The following MINPP1 variants were observed in gnomAD, a reference collection of about 807,000 sequenced individuals.
MINPP1 encodes multiple inositol-polyphosphate phosphatase 1, also known as multiple inositol polyphosphate phosphatase 1.
A neutral mutation model predicts 46.1 loss-of-function variants in MINPP1; 28 were observed. The observed-to-expected ratio is 0.61, with a 90% CI of 0.45 to 0.83. The LOEUF is 0.83. Among genes scored for constraint, MINPP1 ranks in the 40% least tolerant of loss-of-function variants. MINPP1 has a pLI of 0.00. For missense variants in MINPP1, 603 were observed against 610.0 expected, an observed-to-expected ratio of 0.99 and a Z score of 0.12; for synonymous variants, 268 against 249.1, an observed-to-expected ratio of 1.08 and a Z score of -0.72.
chr10:87,524,719 C>T (rs564309332), intron 4 of MINPP1, among the ~76,000 whole-genome samples: 1 of 152,174 alleles, frequency 6.6e-6, no homozygotes, highest in East Asian at 1.9e-4. Context: ...AGTATTATAT[C>T]TCAGGGAATA....
chr10:87,521,290 T>C (rs1199078289), intron 4 of MINPP1, 121 bp downstream of exon 4: 4 of 731,020 alleles, frequency 5.5e-6, no homozygotes, highest in Non-Finnish European at 7.0e-6. Flanking sequence ...AATTTTAATA[T>C]AATGTGATAC....
chr10:87,519,841 T>C (rs1222860970), intron 3 of MINPP1, among the ~76,000 whole-genome samples: 1 of 152,150 alleles, frequency 6.6e-6, no homozygotes, highest in Non-Finnish European at 1.5e-5. Context: ...AGGTTTTAGT[T>C]CTAGATAGAG....
At chr10:87,540,063 T>A (rs1284842984) in intron 4 of MINPP1, among the ~76,000 whole-genome samples, 1 of 152,112 alleles carries the variant, frequency 6.6e-6, no homozygotes, top group Non-Finnish European at 1.5e-5. Context: ...AGACACAAGG[T>A]CTCTCCATGT....
In MINPP1 at chr10:87,552,868, A is replaced by T; in HGVS notation, c.*390A>T. On this transcript the variant is annotated 3_prime_UTR_variant, in exon 5 of 5. Transcript: ENST00000371996. ...CTTGATTGAACTGTCTAGGAACTTT[A>T]CAGATTGTTCTGCAGTTCTCTCTTC... 5.0e-6 allele frequency: 1 copy of T among 198,672 alleles called. No homozygotes were observed. The highest frequency in any genetic ancestry group is 1.0e-5 in the Non-Finnish European group (1 of 96,920). The allele number at this position is 198,672 out of a possible 1,614,324, so 12.3% of individuals were successfully genotyped here.
chr10:87,521,184 AAAAATGTGAAGTACATTTTG>A lies in MINPP1; in HGVS notation c.1067+17_1067+36del, dbSNP rs758824442. On this transcript the variant is annotated intron_variant, in intron 4 of 4. Coordinates refer to ENST00000371996, the MANE Select transcript of MINPP1 (RefSeq NM_004897.5). ...CAGAAACAAAGGTAAGAACTTTCTA[AAAAATGTGAAGTACATTTTG>A]AGTTACTACTAAACTTCTGGAAATT... is the stretch of plus-strand genomic sequence containing the variant. The A allele has an allele frequency of 2.0e-4, 321 of 1,606,686 alleles. No individual in the cohort carries two copies. The highest frequency in any genetic ancestry group is 3.5e-4 in the Admixed American group (21 of 59,836).
intron 4 of MINPP1, among the ~76,000 whole-genome samples, chr10:87,528,202 A>G (rs1007228137): frequency 5.9e-5 from 9 of 151,930 alleles, no homozygotes; most frequent in African/African-American, 1.9e-4. Flanking sequence ...TTGTGTCTCT[A>G]TCTCCTTCAG....
chr10:87,534,042 A>AT lies in MINPP1; in HGVS notation c.1067+12900dup, dbSNP rs58579107. 3.4e-3 allele frequency among the ~76,000 whole-genome samples: 190 copies of AT among 55,410 alleles called. 6 individuals carry two copies. Among genetic ancestry groups the AT allele is most frequent in the East Asian group, 0.03 (56 of 1,872 alleles). The allele number at this position is 55,410 out of a possible 152,430, so 36.4% of individuals were successfully genotyped here. On this transcript the variant is annotated intron_variant, in intron 4 of 4. Transcript: ENST00000371996. ...TAGTGTTGAAAGATACTGGCTAAAT[A>AT]TTTTTTTTTTTTTTTTTTTTTTTTT... is the stretch of plus-strand genomic sequence containing the variant.
intron 3 of MINPP1, among the ~76,000 whole-genome samples, chr10:87,513,891 C>G (rs7916780): frequency 0.028 from 4,261 of 152,050 alleles, 194 homozygotes; most frequent in African/African-American, 0.092. Context: ...ACAATAGAGC[C>G]GTATTCTTTC....
intron 4 of MINPP1, among the ~76,000 whole-genome samples, chr10:87,536,756 A>G (rs1851741591): frequency 6.6e-6 from 1 of 152,158 alleles, no homozygotes; most frequent in Non-Finnish European, 1.5e-5. Flanking sequence ...AAGACCAAGT[A>G]GTATTCTGTT....
chr10:87,508,703 A>G (rs968461177), intron 2 of MINPP1, among the ~76,000 whole-genome samples, 170 bp downstream of exon 2: 1 of 152,162 alleles, frequency 6.6e-6, no homozygotes, highest in East Asian at 1.9e-4. Context: ...ACTATTTACC[A>G]TTTTTAGATT....
In MINPP1 at chr10:87,504,893, G is replaced by T; in HGVS notation, c.-23G>T. ...GCTGGGCATCTGCAGCTGGCTCGGC[G>T]CACTCCACTGACCGTCCCGACGATG... On this transcript the variant is annotated 5_prime_UTR_variant, in exon 1 of 5. Transcript: ENST00000371996. 2 of 1,605,418 alleles carry T rather than the reference G, an allele frequency of 1.2e-6. No individual in the cohort carries two copies. Among genetic ancestry groups the T allele is most frequent in the Non-Finnish European group, 8.5e-7 (1 of 1,177,786 alleles).
At chr10:87,529,602 G>A (rs1180619970) in intron 4 of MINPP1, among the ~76,000 whole-genome samples, 1 of 152,152 alleles carries the variant, frequency 6.6e-6, no homozygotes, top group Non-Finnish European at 1.5e-5. Context: ...TCCCTTTGTG[G>A]GTAACCCGAC....
At chr10:87,515,767 G>A (rs886457221) in intron 3 of MINPP1, among the ~76,000 whole-genome samples, 1 of 151,822 alleles carries the variant, frequency 6.6e-6, no homozygotes, top group African/African-American at 2.4e-5. Context: ...AGTACACAGA[G>A]GTTCGTTATA....
intron 4 of MINPP1, among the ~76,000 whole-genome samples, chr10:87,535,004 C>T (rs954399095): frequency 1.9e-4 from 29 of 152,282 alleles, no homozygotes; most frequent in Admixed American, 8.5e-4. Context: ...AAGTTATACC[C>T]GCTACATCCA....
At chr10:87,531,235 G>A (rs1365402685) in intron 4 of MINPP1, among the ~76,000 whole-genome samples, 1 of 152,218 alleles carries the variant, frequency 6.6e-6, no homozygotes, top group Non-Finnish European at 1.5e-5. Flanking sequence ...GGATGAACCC[G>A]CTACCTCAGT....
At chr10:87,537,405 A>G (rs1851751544) in intron 4 of MINPP1, among the ~76,000 whole-genome samples, 1 of 151,938 alleles carries the variant, frequency 6.6e-6, no homozygotes, top group African/African-American at 2.4e-5. Context: ...TTTCATAATG[A>G]TTAGTGATAC....
At chr10:87,548,092 T>C (rs1589387290) in intron 4 of MINPP1, among the ~76,000 whole-genome samples, 1 of 152,180 alleles carries the variant, frequency 6.6e-6, no homozygotes. Flanking sequence ...ACCTGTATCA[T>C]AGAGTAAGCA....
intron 4 of MINPP1, among the ~76,000 whole-genome samples, chr10:87,538,270 G>T (rs1446627636): frequency 6.6e-6 from 1 of 152,168 alleles, no homozygotes; most frequent in African/African-American, 2.4e-5. Context: ...AATTCAGCCA[G>T]TGTGGCCTCC....
rs190493653 is a variant in MINPP1 at position 87,531,210 on chromosome 10, T to C, written c.1067+10041T>C. Among the ~76,000 whole-genome samples, 3 of 152,370 alleles carry C rather than the reference T, an allele frequency of 2.0e-5. No homozygotes were observed. In the East Asian group the frequency reaches 5.8e-4, roughly 29 times the overall value. On this transcript the variant is annotated intron_variant, in intron 4 of 4. Transcript: ENST00000371996. The stretch of plus-strand genomic sequence containing the variant: ...TGCTCCGTGGGCTACACCCACTGTC[T>C]GACAAGCCCTAGTGGGATGAACCCG...
Sources: allele counts gnomAD v4.1 joint callset (sites outside exome capture counted in the v4.1 genomes callset), GRCh38; gene constraint gnomAD v4.1.1; transcripts MANE v1.5; gene names NCBI Gene and HGNC (gene_info 2026-07-23, HGNC 2026-07-21).